Variants in LRRC37A2 observed in about 807,000 individuals in gnomAD.
LRRC37A2 encodes the protein leucine-rich repeat-containing protein 37A2.
A neutral mutation model predicts 68.8 loss-of-function variants in LRRC37A2; 9 were observed. The ratio of observed to expected loss-of-function variants is 0.13; its 90% CI spans 0.08 to 0.23. The LOEUF (loss-of-function observed/expected upper bound fraction) is 0.23. LRRC37A2 is among the 10% of genes least tolerant of loss of function. The probability of loss-of-function intolerance (pLI) is 1.00; values close to 1 mark genes in which losing one functional copy is unlikely to be tolerated. For synonymous variants in LRRC37A2, 63 were observed against 367.6 expected (o/e 0.17, Z 9.48); for missense variants, 168 against 950.4 (o/e 0.18, Z 10.82).
At chr17:46,953,083 C>T in the LRRC37A2 span, among the ~76,000 whole-genome samples, 2 of 151,708 alleles carry the variant, frequency 1.3e-5, no homozygotes, top group African/African-American at 4.8e-5. Context: ...TTTTAGGGTA[C>T]ATGTACACAA....
chr17:46,774,116 A>G, the LRRC37A2 span, among the ~76,000 whole-genome samples: 1 of 152,260 alleles, frequency 6.6e-6, no homozygotes, highest in Non-Finnish European at 1.5e-5. Flanking sequence ...CTCTGGCTGC[A>G]TCCAGCTTGC....
At chr17:46,725,287 A>G in the LRRC37A2 span, among the ~76,000 whole-genome samples, 1 of 152,340 alleles carries the variant, frequency 6.6e-6, no homozygotes, top group East Asian at 1.9e-4. Flanking sequence ...TGAACAGAAT[A>G]AAGCTTTTAT....
At chr17:46,790,143 C>T in the LRRC37A2 span, among the ~76,000 whole-genome samples, 2 of 152,180 alleles carry the variant, frequency 1.3e-5, no homozygotes, top group East Asian at 3.9e-4. Flanking sequence ...ACCTCCTTCC[C>T]CCAACTTCAT....
At chr17:46,776,183 G>A in the LRRC37A2 span, among the ~76,000 whole-genome samples, 1 of 152,216 alleles carries the variant, frequency 6.6e-6, no homozygotes, top group Non-Finnish European at 1.5e-5. Context: ...GACCCTGCCT[G>A]CTGGGCAGTG....
the LRRC37A2 span, among the ~76,000 whole-genome samples, chr17:46,984,730 C>T: frequency 1.2e-4 from 19 of 152,212 alleles, no homozygotes; most frequent in African/African-American, 4.6e-4. Context: ...GCTGGATGGA[C>T]CCGCCAGAAG....
At chr17:47,029,330 A>AT in the LRRC37A2 span, among the ~76,000 whole-genome samples, 1 of 152,132 alleles carries the variant, frequency 6.6e-6, no homozygotes, top group Non-Finnish European at 1.5e-5. Context: ...TTAATTCCAT[A>AT]TACTTTCCTG....
chr17:46,797,093 C>T, the LRRC37A2 span, among the ~76,000 whole-genome samples: 2 of 152,192 alleles, frequency 1.3e-5, no homozygotes, highest in Non-Finnish European at 2.9e-5. Flanking sequence ...CTGGCAGGAC[C>T]TCTCAGTGCT....
At chr17:46,545,474 GTAAT>G (rs1170298005) in intron 8 of LRRC37A2, among the ~76,000 whole-genome samples, 1 of 114,360 alleles carries the variant, frequency 8.7e-6, no homozygotes, top group Non-Finnish European at 1.7e-5. Flanking sequence ...TTTCCCCTTG[GTAAT>G]TAATAAATAA....
the LRRC37A2 span, chr17:46,966,720 A>G: frequency 1.0e-5 from 5 of 476,260 alleles, no homozygotes; most frequent in East Asian, 1.7e-4. Context: ...ATTTCAGATC[A>G]GTGACTTGAG....
the LRRC37A2 span, among the ~76,000 whole-genome samples, chr17:46,967,537 G>A: frequency 2.4e-4 from 37 of 152,296 alleles, no homozygotes; most frequent in East Asian, 7.1e-3. Context: ...AAGGAGAGAG[G>A]CATTTTGGGG....
the LRRC37A2 span, among the ~76,000 whole-genome samples, chr17:47,045,084 G>A: frequency 3.0e-5 from 4 of 132,016 alleles, no homozygotes; most frequent in African/African-American, 1.1e-4. Flanking sequence ...TACGGTTCCG[G>A]GTCCATTCCA....
chr17:46,873,010 G>A, the LRRC37A2 span, among the ~76,000 whole-genome samples: 1 of 151,970 alleles, frequency 6.6e-6, no homozygotes, highest in African/African-American at 2.4e-5. Flanking sequence ...AGATCCAAGA[G>A]AGGAGGAGAC....
At chr17:47,020,079 T>C in the LRRC37A2 span, among the ~76,000 whole-genome samples, 104 of 150,896 alleles carry the variant, frequency 6.9e-4, no homozygotes, top group East Asian at 1.7e-3. Flanking sequence ...CTCCCATTTT[T>C]GCTTCACCCT....
chr17:46,980,689 C>T, the LRRC37A2 span, among the ~76,000 whole-genome samples: 10 of 99,046 alleles, frequency 1.0e-4, no homozygotes, highest in East Asian at 1.8e-3. Flanking sequence ...AAAAATTAGC[C>T]GGGCGTGGTG....
At chr17:46,749,890 C>T in the LRRC37A2 span, 1 of 1,613,838 alleles carries the variant, frequency 6.2e-7, no homozygotes, top group East Asian at 2.2e-5. Flanking sequence ...AGGAGAGCAG[C>T]TGTTGGAAGC....
the LRRC37A2 span, chr17:47,019,692 T>C: frequency 1.5e-6 from 2 of 1,312,558 alleles, no homozygotes; most frequent in Non-Finnish European, 2.2e-6. Context: ...ATGTGAGCTC[T>C]GTACCTGCGG....
At chr17:46,923,463 G>A in the LRRC37A2 span, 1 of 1,406,350 alleles carries the variant, frequency 7.1e-7, no homozygotes, top group Non-Finnish European at 9.2e-7. Flanking sequence ...GCAAGTTCGT[G>A]ACTACCTGCT....
chr17:46,856,151 T>C, the LRRC37A2 span, among the ~76,000 whole-genome samples: 1 of 152,238 alleles, frequency 6.6e-6, no homozygotes, highest in Non-Finnish European at 1.5e-5. Context: ...GAGAAGTTTA[T>C]GAAAGCCCAA....
At chr17:46,572,914 CAG>C in the LRRC37A2 span, among the ~76,000 whole-genome samples, 7 of 77,166 alleles carry the variant, frequency 9.1e-5, no homozygotes, top group South Asian at 4.9e-4. Context: ...AAGAGAGAGA[CAG>C]AGAGAGAGAG....
Sources: gnomAD v4.1 joint callset for allele counts (sites outside exome capture counted in the v4.1 genomes callset) on GRCh38, gnomAD v4.1.1 for gene constraint, MANE v1.5 for transcripts, NCBI Gene and HGNC (gene_info 2026-07-23, HGNC 2026-07-21) for gene names.